Variants in SNX29 observed in about 807,000 individuals in gnomAD.
SNX29 encodes the protein sorting nexin-29.
A neutral mutation model predicts 102.1 loss-of-function variants in SNX29; 78 were observed. The observed-to-expected ratio is 0.76, with a 90% CI of 0.64 to 0.92. SNX29 has a LOEUF of 0.92. SNX29 is among the 40% of genes least tolerant of loss of function. The pLI is 0.00. For synonymous variants in SNX29, 580 were observed against 414.5 expected (o/e 1.40, Z -4.85); for missense variants, 1,280 against 1,061.7 (o/e 1.21, Z -2.86).
chr16:12,559,938 C>A (rs1158768452), intron 20 of SNX29, among the ~76,000 whole-genome samples: 3 of 152,164 alleles, frequency 2.0e-5, no homozygotes, highest in African/African-American at 7.2e-5. Flanking sequence ...GAGATTACAT[C>A]ACTGCACTCC....
chr16:12,176,853 G>A lies in SNX29; in HGVS notation c.1596-22748G>A, dbSNP rs559477799. Among the ~76,000 whole-genome samples, 33 of 152,214 alleles carry A rather than the reference G, an allele frequency of 2.2e-4. 1 individual carries two copies. Among genetic ancestry groups the A allele is most frequent in the African/African-American group, 7.7e-4 (32 of 41,542 alleles). On this transcript the variant is annotated intron_variant, in intron 13 of 20. Coordinates refer to ENST00000566228, the MANE Select transcript of SNX29 (RefSeq NM_032167.5). ...CAGTGATTTGAATTTGACAACCTGG[G>A]GATACACATTTTACTAGGGTTTATG...
chr16:12,531,905 C>A (rs947030669), intron 20 of SNX29, among the ~76,000 whole-genome samples: 6 of 152,166 alleles, frequency 3.9e-5, no homozygotes, highest in African/African-American at 1.2e-4. Context: ...TCCCCTCTCA[C>A]GTCACAAGAA....
intron 18 of SNX29, among the ~76,000 whole-genome samples, chr16:12,410,049 C>A (rs1189722342): frequency 6.6e-6 from 1 of 151,494 alleles, no homozygotes; most frequent in East Asian, 1.9e-4. Flanking sequence ...GGCTGGAGTG[C>A]AGTAGCGCAA....
intron 1 of SNX29, among the ~76,000 whole-genome samples, chr16:11,998,352 G>C (rs2056165349): frequency 6.6e-6 from 1 of 152,220 alleles, no homozygotes; most frequent in Non-Finnish European, 1.5e-5. Flanking sequence ...TCTGCCTGGT[G>C]CTTTCAAGTG....
chr16:12,107,733 T>C (rs1302635949), intron 11 of SNX29, among the ~76,000 whole-genome samples: 2 of 152,150 alleles, frequency 1.3e-5, no homozygotes, highest in Admixed American at 1.3e-4. Context: ...GTGGATGTGA[T>C]GACTGCCTGC....
At chr16:12,394,082 G>A (rs1469802920) in intron 16 of SNX29, among the ~76,000 whole-genome samples, 2 of 152,194 alleles carry the variant, frequency 1.3e-5, no homozygotes, top group Non-Finnish European at 2.9e-5. Context: ...TAGGGGCAAA[G>A]CCTCCTAAGT....
intron 16 of SNX29, among the ~76,000 whole-genome samples, chr16:12,368,746 T>C (rs562708177): frequency 1.3e-5 from 2 of 152,230 alleles, no homozygotes; most frequent in Non-Finnish European, 1.5e-5. Flanking sequence ...CTCCAGCATA[T>C]GTTTGTGAAT....
chr16:12,413,406 G>T (rs1348722799), intron 18 of SNX29, among the ~76,000 whole-genome samples: 1 of 151,882 alleles, frequency 6.6e-6, no homozygotes, highest in East Asian at 1.9e-4. Context: ...GGATATGGGA[G>T]CGAATAACAG....
intron 18 of SNX29, among the ~76,000 whole-genome samples, chr16:12,463,910 G>A (rs1184815514): frequency 6.7e-6 from 1 of 149,500 alleles, no homozygotes; most frequent in South Asian, 2.1e-4. Flanking sequence ...CAGTACCATG[G>A]TATTGTTAGC....
At chr16:12,244,883 A>C (rs1051577532) in intron 14 of SNX29, among the ~76,000 whole-genome samples, 1 of 152,292 alleles carries the variant, frequency 6.6e-6, no homozygotes, top group Admixed American at 6.5e-5. Flanking sequence ...ATTTGAAATG[A>C]CAGTTTTGTG....
intron 20 of SNX29, chr16:12,561,225 G>T (rs1037346713): frequency 1.7e-5 from 4 of 230,020 alleles, no homozygotes; most frequent in Non-Finnish European, 2.6e-5. Context: ...ATGCAGTACA[G>T]AAGGCAGAGC....
chr16:12,471,548 G>A (rs1484998764), intron 18 of SNX29, among the ~76,000 whole-genome samples: 3 of 152,184 alleles, frequency 2.0e-5, no homozygotes, highest in African/African-American at 2.4e-5. Flanking sequence ...CGATGCTGAC[G>A]TATGACGATG....
intron 15 of SNX29, among the ~76,000 whole-genome samples, chr16:12,312,277 G>C (rs533494004): frequency 1.3e-3 from 193 of 152,318 alleles, no homozygotes; most frequent in Middle Eastern, 3.4e-3. Flanking sequence ...CACAGCACTT[G>C]CTGCGCTGTC....
At chr16:12,343,952 C>T (rs138561939) in intron 15 of SNX29, among the ~76,000 whole-genome samples, 73 of 152,268 alleles carry the variant, frequency 4.8e-4, no homozygotes, top group African/African-American at 1.8e-3. Flanking sequence ...CCCATAATTC[C>T]CACATGTTGT....
chr16:12,568,385 A>G (rs891015753), intron 20 of SNX29, 121 bp from the exon 21 acceptor site: 7 of 1,339,748 alleles, frequency 5.2e-6, no homozygotes, highest in African/African-American at 4.4e-5. Context: ...GGCAGATCCA[A>G]TGAGCCAGTC....
Position 12,257,931 on chromosome 16 carries a change from C to G in SNX29, c.1679-20002C>G, listed in dbSNP as rs974330442. On this transcript the variant is annotated intron_variant, in intron 14 of 20. Coordinates refer to ENST00000566228, the MANE Select transcript of SNX29 (RefSeq NM_032167.5). ...TCTGATTTACAATCTATAGCCAGTC[C>G]TGCCAGTTCCAAAATATACCCTGGA... Among the ~76,000 whole-genome samples, 7 of 152,308 alleles carry G rather than the reference C, an allele frequency of 4.6e-5. 1 individual carries two copies. In the South Asian group the frequency reaches 1.2e-3, roughly 27 times the overall value.
intron 13 of SNX29, among the ~76,000 whole-genome samples, chr16:12,148,689 CTTGTT>C: frequency 6.6e-6 from 1 of 152,072 alleles, no homozygotes; most frequent in Admixed American, 6.6e-5. Flanking sequence ...GAGCCTTTGT[CTTGTT>C]TTATTTTATT....
chr16:11,995,765 G>C (rs975495923), intron 1 of SNX29, among the ~76,000 whole-genome samples: 3 of 151,918 alleles, frequency 2.0e-5, no homozygotes, highest in Non-Finnish European at 4.4e-5. Context: ...GGAAGCTTAC[G>C]AGAAACACAG....
intron 8 of SNX29, among the ~76,000 whole-genome samples, chr16:12,057,355 T>C (rs997423381): frequency 6.6e-6 from 1 of 152,204 alleles, no homozygotes; most frequent in Non-Finnish European, 1.5e-5. Context: ...CCTCAGTTCC[T>C]GGCACATCCC....
Sources: allele counts gnomAD v4.1 joint callset (sites outside exome capture counted in the v4.1 genomes callset), GRCh38; gene constraint gnomAD v4.1.1; transcripts MANE v1.5; gene names NCBI Gene and HGNC (gene_info 2026-07-23, HGNC 2026-07-21).